Variants in GYS1 observed in about 807,000 individuals in gnomAD.
GYS1 encodes the protein glycogen synthase 1.
GYS1 carries 60 observed loss-of-function variants against 89.1 expected under a neutral mutation model. The observed-to-expected ratio is 0.67, with a 90% CI of 0.55 to 0.84. GYS1 has a LOEUF of 0.84. Ranked by LOEUF, GYS1 falls within the 40% of genes least tolerant of loss-of-function variation. The pLI is 0.00. For synonymous variants in GYS1, 366 were observed against 401.7 expected, an observed-to-expected ratio of 0.91 and a Z score of 1.06; for missense variants, 888 against 1,003.1, an observed-to-expected ratio of 0.89 and a Z score of 1.55.
At chr19:48,969,697 C>T (rs1490526869) in intron 15 of GYS1, 78 bp downstream of exon 15, 2 of 1,576,572 alleles carry the variant, frequency 1.3e-6, no homozygotes, top group East Asian at 2.2e-5. Flanking sequence ...TAGGCCTTCC[C>T]ACTCCAGGAG....
At chr19:48,979,185 AAAGT>A (rs879771224) in intron 8 of GYS1, among the ~76,000 whole-genome samples, 22 of 152,196 alleles carry the variant, frequency 1.4e-4, no homozygotes, top group African/African-American at 4.8e-4. Context: ...ATACGAAAAG[AAAGT>A]AAGATTCTGA....
At chr19:48,970,767 A>G in intron 13 of GYS1, 58 bp from the exon 14 acceptor site, 1 of 1,551,238 alleles carries the variant, frequency 6.4e-7, no homozygotes. Flanking sequence ...CATGGTCTCC[A>G]GGACTCTGTG....
At chr19:48,972,540 G>C (rs571900846) in intron 12 of GYS1, among the ~76,000 whole-genome samples, 1 of 151,942 alleles carries the variant, frequency 6.6e-6, no homozygotes, top group East Asian at 1.9e-4. Context: ...GTGCAGTGGC[G>C]CGATCTCAGC....
chr19:48,987,540 C>T (rs867736572), intron 2 of GYS1, among the ~76,000 whole-genome samples, 155 bp from the exon 3 acceptor site: 3 of 152,208 alleles, frequency 2.0e-5, no homozygotes, highest in African/African-American at 7.2e-5. Context: ...AATTTCTCAC[C>T]TGCTGCCTTA....
In GYS1 at chr19:48,991,272, G is replaced by A. The variant is rs202218029; in HGVS notation, c.300+30C>T. The A allele has an allele frequency of 8.7e-6, 14 of 1,609,154 alleles. No individual in the cohort carries two copies. Among genetic ancestry groups the A allele is most frequent in the East Asian group, 6.7e-5 (3 of 44,862 alleles). On this transcript the variant is annotated intron_variant, in intron 2 of 15. Coordinates refer to ENST00000323798, the MANE Select transcript of GYS1 (RefSeq NM_002103.5). The surrounding 1 kb of genome is among the most constrained non-coding windows in gnomAD (Gnocchi z 4.7). ...CACCCCGATGGCAGGCTGTCCACCC[G>A]CTTCTGCCCTGGGCTGGGCCACGTC... is the stretch of plus-strand genomic sequence containing the variant.
At chr19:48,989,029 C>CTCCTTCCTTCCTTCCTTGCT (rs2038882069) in intron 2 of GYS1, among the ~76,000 whole-genome samples, 2 of 151,948 alleles carry the variant, frequency 1.3e-5, no homozygotes, top group African/African-American at 4.8e-5. Context: ...AGTCCACAGC[C>CTCCTTCCTTCCTTCCTTGCT]TCCTTCCTTC....
In GYS1 at chr19:48,992,775, G is replaced by C. The variant is rs531919021; in HGVS notation, c.118+220C>G. On this transcript the variant is annotated intron_variant, in intron 1 of 15. Transcript: ENST00000323798. ...TCTCATTTTAGCGCCCTCTTCCCTA[G>C]GACCCAGAACCCGGGCTTCCAGCCT... is the stretch of plus-strand genomic sequence containing the variant. 5.3e-5 allele frequency among the ~76,000 whole-genome samples: 8 copies of C among 152,148 alleles called. No individual in the cohort carries two copies. In the East Asian group the frequency reaches 1.5e-3, roughly 29 times the overall value.
chr19:48,975,718 G>C lies in GYS1; in HGVS notation c.1309-985C>G, dbSNP rs934801203. Among the ~76,000 whole-genome samples, 13 of 151,760 alleles carry C rather than the reference G, an allele frequency of 8.6e-5. 1 individual carries two copies. Among genetic ancestry groups the C allele is most frequent in the Non-Finnish European group, 1.9e-4 (13 of 67,918 alleles). On this transcript the variant is annotated intron_variant, in intron 10 of 15. Transcript: ENST00000323798. ...CGAGGCAGGAGGATGACGAGGTCAG[G>C]AGATCGAGACCATCCTGGCTAACAC...
chr19:48,977,059 G>A (rs2038664676), intron 10 of GYS1, among the ~76,000 whole-genome samples: 1 of 151,554 alleles, frequency 6.6e-6, no homozygotes, highest in Non-Finnish European at 1.5e-5. Context: ...AAAGTGCTGG[G>A]AATACTGACA....
In GYS1 at chr19:48,975,233, ATTT is replaced by A. The variant is rs554660546; in HGVS notation, c.1309-503_1309-501del. On this transcript the variant is annotated intron_variant, in intron 10 of 15. Transcript: ENST00000323798. ...GGCGTGAGCCATTGCGCTCAGCCTA[ATTT>A]TTTTTTTTTTTTTTTTTAATAGAGA... Among the ~76,000 whole-genome samples, 165 of 134,816 alleles carry A rather than the reference ATTT, an allele frequency of 1.2e-3. 1 individual carries two copies. Among genetic ancestry groups the A allele is most frequent in the African/African-American group, 4.3e-3 (157 of 36,564 alleles). The allele number at this position is 134,816 out of a possible 152,430, so 88.4% of individuals were successfully genotyped here. A position where few individuals can be genotyped will look rare whatever the true frequency, so the allele number is the denominator to read the frequency against.
At position 48,991,865 on chromosome 19, in the gene GYS1, T is replaced by C. The variant is rs2038936354; in HGVS notation, c.119-382A>G. ...GACTACCCGGACTCAGGTTCCCGAGTTCCCAGCTCACAGGAGCTGGGTTTA... is the reference window on the plus strand; with the variant it reads ...GACTACCCGGACTCAGGTTCCCGAGCTCCCAGCTCACAGGAGCTGGGTTTA... On this transcript the variant is annotated intron_variant, in intron 1 of 15. Coordinates refer to ENST00000323798, the MANE Select transcript of GYS1 (RefSeq NM_002103.5). The surrounding 1 kb of genome is among the most constrained non-coding windows in gnomAD (Gnocchi z 4.7). Among the ~76,000 whole-genome samples the C allele has an allele frequency of 6.6e-6, 1 of 151,958 alleles. No homozygotes were observed. The highest frequency in any genetic ancestry group is 2.4e-5 in the African/African-American group (1 of 41,332).
At chr19:48,982,629 T>G in intron 6 of GYS1, 91 bp downstream of exon 6, 1 of 1,000,088 alleles carries the variant, frequency 1.0e-6, no homozygotes, top group Non-Finnish European at 1.6e-6. Flanking sequence ...GACCCAGGAG[T>G]CTGGGCCCCC....
At chr19:48,974,089 A>G in intron 12 of GYS1, 124 bp downstream of exon 12, 3 of 1,010,168 alleles carry the variant, frequency 3.0e-6, no homozygotes, top group Non-Finnish European at 4.5e-6. Flanking sequence ...AGAACAGGTG[A>G]TTACCATTGT....
rs1470286663 is a variant in GYS1, at chr19:48,968,512, G to A, written c.*776C>T. On this transcript the variant is annotated 3_prime_UTR_variant, in exon 16 of 16. Transcript: ENST00000323798. ...TCTGTCCTCTGCAGGCGGATTCCCTGGAGGGAGATCTCAGATTTAGAAAGG... is the reference window on the plus strand; with the variant it reads ...TCTGTCCTCTGCAGGCGGATTCCCTAGAGGGAGATCTCAGATTTAGAAAGG... The A allele has an allele frequency of 4.4e-6, 2 of 454,452 alleles. No homozygotes were observed. Among genetic ancestry groups the A allele is most frequent in the African/African-American group, 2.0e-5 (1 of 50,006 alleles). The allele number at this position is 454,452 out of a possible 1,614,324, so 28.2% of individuals were successfully genotyped here. A position where few individuals can be genotyped will look rare whatever the true frequency, so the allele number is the denominator to read the frequency against.
Position 48,969,441 on chromosome 19 carries a change from G to A in GYS1, c.2061C>T (p.Asn687=). The part of the protein sequence containing the change: ...EDEEAAKDRR[N]IRAPEWPRRA... ...GGCGCGGCCACTCTGGTGCACGGAT[G>A]TTGCGCCGGTCCTTGGCGGCCTCCT... The change falls in exon 16 of 16, where the codon AAC becomes AAT. Residue 687 remains asparagine (N), a synonymous_variant. Transcript: ENST00000323798. 6.5e-7 allele frequency: 1 copy of A among 1,545,554 alleles called. No individual in the cohort carries two copies. The highest frequency in any genetic ancestry group is 8.7e-7 in the Non-Finnish European group (1 of 1,147,558).
Position 48,970,529 on chromosome 19 carries a change from G to C in GYS1, c.1809+17C>G. On this transcript the variant is annotated intron_variant, in intron 14 of 15. Coordinates refer to ENST00000323798, the MANE Select transcript of GYS1 (RefSeq NM_002103.5). ...CTGCTGATTTGCCAGGAGAGGATAG[G>C]AAAGTGGGGGTCCTACCCGGCCTAG... 1 of 1,611,764 alleles carries C rather than the reference G, an allele frequency of 6.2e-7. No individual in the cohort carries two copies. The highest frequency in any genetic ancestry group is 8.5e-7 in the Non-Finnish European group (1 of 1,178,594).
At chr19:48,987,452 G>C in intron 2 of GYS1, 67 bp from the exon 3 acceptor site, 10 of 1,276,562 alleles carry the variant, frequency 7.8e-6, no homozygotes, top group Non-Finnish European at 9.6e-6. Context: ...TCACTCATCC[G>C]TGGTTCTCCC....
At chr19:48,973,934 G>A (rs867076620) in intron 12 of GYS1, among the ~76,000 whole-genome samples, 1 of 152,154 alleles carries the variant, frequency 6.6e-6, no homozygotes, top group African/African-American at 2.4e-5. Flanking sequence ...TGTGAATTGT[G>A]CATTTCATTG....
chr19:48,969,745 T>C lies in GYS1; in HGVS notation c.1890+30A>G, dbSNP rs765723637. The C allele has an allele frequency of 2.5e-6, 4 of 1,607,676 alleles. No homozygotes were observed. In the South Asian group the frequency reaches 4.4e-5, roughly 18 times the overall value. On this transcript the variant is annotated intron_variant, in intron 15 of 15. Coordinates refer to ENST00000323798, the MANE Select transcript of GYS1 (RefSeq NM_002103.5). ...CACCGAAGCCCAGCCCTTTAGCTCCTGGCTAAGCAGAAATCCAGGGTCCAC... is the reference window on the plus strand; with the variant it reads ...CACCGAAGCCCAGCCCTTTAGCTCCCGGCTAAGCAGAAATCCAGGGTCCAC...
Sources: allele counts gnomAD v4.1 joint callset (sites outside exome capture counted in the v4.1 genomes callset), GRCh38; gene constraint gnomAD v4.1.1; non-coding constraint Gnocchi (gnomAD v3.1); transcripts MANE v1.5; gene names NCBI Gene and HGNC (gene_info 2026-07-23, HGNC 2026-07-21).